The following GRM8 variants were observed in gnomAD, a reference collection of about 807,000 sequenced individuals.
GRM8 encodes the protein glutamate metabotropic receptor 8, also known as metabotropic glutamate receptor 8.
A neutral mutation model predicts 87.2 loss-of-function variants in GRM8; 47 were observed. The observed-to-expected ratio is 0.54, with a 90% confidence interval of 0.43 to 0.69. GRM8 has a LOEUF of 0.69. Among genes scored for constraint, GRM8 ranks in the 30% least tolerant of loss-of-function variants. GRM8 has a pLI of 0.00. For synonymous variants in GRM8, 396 were observed against 404.5 expected, an observed-to-expected ratio of 0.98 and a Z score of 0.25; for missense variants, 1,019 against 1,139.2, an observed-to-expected ratio of 0.89 and a Z score of 1.52.
intron 3 of GRM8, among the ~76,000 whole-genome samples, chr7:126,958,633 C>T (rs1361295514): frequency 3.3e-5 from 5 of 152,116 alleles, no homozygotes; most frequent in Admixed American, 6.5e-5. Flanking sequence ...TAGCGTGGGC[C>T]GAGCTCAGCC....
intron 2 of GRM8, among the ~76,000 whole-genome samples, chr7:127,127,763 C>T (rs1214041803): frequency 2.0e-5 from 3 of 151,978 alleles, no homozygotes; most frequent in African/African-American, 7.2e-5. Context: ...ACACTAGGTG[C>T]ATATTATTAT....
chr7:126,777,170 A>G (rs1048957396), intron 6 of GRM8, among the ~76,000 whole-genome samples: 1 of 152,172 alleles, frequency 6.6e-6, no homozygotes, highest in Non-Finnish European at 1.5e-5. Flanking sequence ...AGAAGATTTT[A>G]GGTCTCTTCT....
At chr7:126,488,817 T>C (rs1251988662) in intron 9 of GRM8, among the ~76,000 whole-genome samples, 1 of 152,016 alleles carries the variant, frequency 6.6e-6, no homozygotes, top group Non-Finnish European at 1.5e-5. Flanking sequence ...GTTATGCATA[T>C]GATAATGATG....
At chr7:127,111,943 A>C in intron 2 of GRM8, among the ~76,000 whole-genome samples, 1 of 151,908 alleles carries the variant, frequency 6.6e-6, no homozygotes, top group South Asian at 2.1e-4. Context: ...CAAGAGAATC[A>C]CTTGAACCCG....
chr7:127,018,357 G>C (rs1815898336), intron 3 of GRM8, among the ~76,000 whole-genome samples: 1 of 149,372 alleles, frequency 6.7e-6, no homozygotes, highest in African/African-American at 2.5e-5. Context: ...CCAAGGAAGA[G>C]AAGAGGAAAA....
At chr7:127,214,019 T>G (rs1796372192) in intron 2 of GRM8, among the ~76,000 whole-genome samples, 1 of 152,236 alleles carries the variant, frequency 6.6e-6, no homozygotes, top group South Asian at 2.1e-4. Flanking sequence ...AAGAAAAGTA[T>G]AACTATATGG....
At chr7:127,011,631 G>A (rs1262193068) in intron 3 of GRM8, among the ~76,000 whole-genome samples, 1 of 152,102 alleles carries the variant, frequency 6.6e-6, no homozygotes, top group Non-Finnish European at 1.5e-5. Context: ...AGATTGTGAT[G>A]TTCAACACTT....
At chr7:127,147,932 A>G (rs941413733) in intron 2 of GRM8, among the ~76,000 whole-genome samples, 3 of 152,082 alleles carry the variant, frequency 2.0e-5, no homozygotes, top group African/African-American at 7.2e-5. Context: ...ACTATTGCCC[A>G]TCTTCGAACT....
chr7:127,015,604 C>T (rs559478006), intron 3 of GRM8, among the ~76,000 whole-genome samples: 197 of 152,206 alleles, frequency 1.3e-3, no homozygotes, highest in Non-Finnish European at 2.2e-3. Flanking sequence ...GTTCGCAATT[C>T]CGACCACTAC....
chr7:127,227,854 C>G (rs1158431919), intron 2 of GRM8, among the ~76,000 whole-genome samples: 1 of 152,200 alleles, frequency 6.6e-6, no homozygotes, highest in Non-Finnish European at 1.5e-5. Context: ...GGGTCACAGG[C>G]AGTCAGACTC....
chr7:126,452,461 T>G (rs1233662045), intron 9 of GRM8, among the ~76,000 whole-genome samples: 1 of 151,442 alleles, frequency 6.6e-6, no homozygotes, highest in Non-Finnish European at 1.5e-5. Flanking sequence ...GAAAACTGTT[T>G]GGATAACAGA....
chr7:126,493,356 C>T (rs1297658316), intron 9 of GRM8, among the ~76,000 whole-genome samples: 1 of 151,980 alleles, frequency 6.6e-6, no homozygotes, highest in Non-Finnish European at 1.5e-5. Context: ...AGCGAAGAAG[C>T]AGAGCAGAGG....
intron 7 of GRM8, among the ~76,000 whole-genome samples, chr7:126,748,266 G>A (rs1403003912): frequency 1.3e-5 from 2 of 152,004 alleles, no homozygotes; most frequent in Admixed American, 1.3e-4. Flanking sequence ...GGCCTAAGGT[G>A]TCTACCAAAA....
chr7:126,842,455 T>C (rs1467184591), intron 6 of GRM8, among the ~76,000 whole-genome samples: 1 of 152,228 alleles, frequency 6.6e-6, no homozygotes, highest in Non-Finnish European at 1.5e-5. Context: ...TCACTACATA[T>C]TTGTGATAGG....
rs909060680 is a variant in GRM8, at chr7:126,456,466, CT to C, written c.2431-10095del. Among the ~76,000 whole-genome samples the C allele has an allele frequency of 2.4e-5, 3 of 126,250 alleles. No homozygotes were observed. The East Asian group carries it at 7.6e-4, about 32-fold the overall frequency. The allele number at this position is 126,250 out of a possible 152,430, so 82.8% of individuals were successfully genotyped here. A position where few individuals can be genotyped will look rare whatever the true frequency, so the allele number is the denominator to read the frequency against. On this transcript the variant is annotated intron_variant, in intron 9 of 10. Transcript: ENST00000339582. ...GAGAAGTAAACCGGGTATTTTATAC[CT>C]TTTTTTTCCCTTGAGACTTTGCTGA...
chr7:126,690,042 G>A (rs1193202642), intron 7 of GRM8, among the ~76,000 whole-genome samples: 1 of 152,216 alleles, frequency 6.6e-6, no homozygotes, highest in Non-Finnish European at 1.5e-5. Context: ...GCAAACTAAG[G>A]TTTCCAGGGC....
chr7:126,958,965 T>C (rs1356395560), intron 3 of GRM8, among the ~76,000 whole-genome samples: 1 of 152,212 alleles, frequency 6.6e-6, no homozygotes, highest in Non-Finnish European at 1.5e-5. Context: ...ACAAAGGATA[T>C]ACTTAAACTC....
intron 7 of GRM8, among the ~76,000 whole-genome samples, chr7:126,691,951 T>C (rs1409656701): frequency 6.6e-6 from 1 of 152,178 alleles, no homozygotes; most frequent in African/African-American, 2.4e-5. Context: ...AGAAACCTCA[T>C]TGTAAACTTA....
chr7:127,109,246 A>T (rs146765244), intron 2 of GRM8, among the ~76,000 whole-genome samples: 2 of 152,200 alleles, frequency 1.3e-5, no homozygotes, highest in Non-Finnish European at 2.9e-5. Flanking sequence ...GGAGGAAAAA[A>T]ATGAAAGGAA....
Sources: gnomAD v4.1 joint callset for allele counts (sites outside exome capture counted in the v4.1 genomes callset) on GRCh38, gnomAD v4.1.1 for gene constraint, MANE v1.5 for transcripts, NCBI Gene and HGNC (gene_info 2026-07-23, HGNC 2026-07-21) for gene names.